RNF180: variants seen among roughly 807,000 people sequenced by gnomAD.
RNF180 encodes ring finger protein 180, also known as E3 ubiquitin-protein ligase RNF180.
In RNF180, 38 loss-of-function variants were observed where a neutral mutation model predicts 59.2. The ratio of observed to expected loss-of-function variants is 0.64; its 90% confidence interval spans 0.50 to 0.84. The LOEUF (loss-of-function observed/expected upper bound fraction) is 0.84. Ranked by LOEUF, RNF180 falls within the 40% of genes least tolerant of loss-of-function variation. The probability of loss-of-function intolerance (pLI) is 0.00; values close to 1 mark genes in which losing one functional copy is unlikely to be tolerated. For missense variants in RNF180, 705 were observed against 700.9 expected (o/e 1.01, Z -0.07); for synonymous variants, 262 against 240.3 (o/e 1.09, Z -0.84).
At chr5:64,305,577 A>C (rs1743400609) in intron 5 of RNF180, among the ~76,000 whole-genome samples, 1 of 151,076 alleles carries the variant, frequency 6.6e-6, no homozygotes, top group South Asian at 2.1e-4. Context: ...TCTATTTTTT[A>C]TTTATATCTT....
At chr5:64,273,175 T>C (rs1372159347) in intron 5 of RNF180, among the ~76,000 whole-genome samples, 1 of 151,870 alleles carries the variant, frequency 6.6e-6, no homozygotes, top group East Asian at 1.9e-4. Context: ...CCATGACACT[T>C]TACAGATGCC....
At chr5:64,192,914 TATATATATATATATATATATATATAA>T (rs1406372349) in intron 1 of RNF180, among the ~76,000 whole-genome samples, 1 of 84,640 alleles carries the variant, frequency 1.2e-5, no homozygotes, top group African/African-American at 6.6e-5. Flanking sequence ...TATATATATA[TATATATATATATATATATATATATAA>T]AATGAAACAT....
intron 5 of RNF180, among the ~76,000 whole-genome samples, chr5:64,234,748 C>T (rs371786694): frequency 2.1e-4 from 31 of 150,636 alleles, no homozygotes; most frequent in Admixed American, 9.9e-4. Context: ...TACAGGCGCC[C>T]GCCACCACGC....
At chr5:64,276,593 G>A (rs1230236044) in intron 5 of RNF180, among the ~76,000 whole-genome samples, 1 of 151,904 alleles carries the variant, frequency 6.6e-6, no homozygotes, top group Non-Finnish European at 1.5e-5. Flanking sequence ...GCTGAAAAAT[G>A]AATTTTGTTA....
At chr5:64,200,758 C>T (rs1436878915) in intron 1 of RNF180, 50 bp from the exon 2 acceptor site, 13 of 1,530,348 alleles carry the variant, frequency 8.5e-6, no homozygotes, top group Non-Finnish European at 1.2e-5. Flanking sequence ...TTAGAAAGTC[C>T]AGTTTATCTG....
At chr5:64,275,968 A>G (rs1392991576) in intron 5 of RNF180, among the ~76,000 whole-genome samples, 1 of 152,018 alleles carries the variant, frequency 6.6e-6, no homozygotes, top group African/African-American at 2.4e-5. Context: ...TCCAAACCTT[A>G]TGGAATGTTC....
chr5:64,332,553 A>G (rs1430585923), intron 7 of RNF180, among the ~76,000 whole-genome samples: 3 of 152,230 alleles, frequency 2.0e-5, no homozygotes, highest in East Asian at 3.8e-4. Context: ...ATATAGTAGT[A>G]AAGATTAAAT....
At chr5:64,266,860 A>G (rs942426949) in intron 5 of RNF180, among the ~76,000 whole-genome samples, 3 of 152,130 alleles carry the variant, frequency 2.0e-5, no homozygotes, top group African/African-American at 7.2e-5. Flanking sequence ...TTCAAAAACT[A>G]CTGAAAGCCA....
intron 7 of RNF180, among the ~76,000 whole-genome samples, chr5:64,338,597 T>C (rs1048049782): frequency 6.7e-6 from 1 of 149,584 alleles, no homozygotes; most frequent in African/African-American, 2.5e-5. Context: ...ATCGCGCCAC[T>C]GCACTCCAGC....
chr5:64,330,067 T>C (rs1159562242), intron 6 of RNF180, among the ~76,000 whole-genome samples: 2 of 152,218 alleles, frequency 1.3e-5, no homozygotes, highest in South Asian at 2.1e-4. Context: ...ATGTTCTATG[T>C]GTAGGCATGT....
intron 6 of RNF180, among the ~76,000 whole-genome samples, chr5:64,328,739 T>C (rs1475133264): frequency 6.6e-6 from 1 of 152,158 alleles, no homozygotes; most frequent in Non-Finnish European, 1.5e-5. Flanking sequence ...ATTTCTTAGG[T>C]AAAAATCAAC....
At chr5:64,332,909 G>A (rs774564015) in intron 7 of RNF180, among the ~76,000 whole-genome samples, 13 of 152,188 alleles carry the variant, frequency 8.5e-5, no homozygotes, top group Admixed American at 3.3e-4. Flanking sequence ...GGTCTTCTGC[G>A]TAAGACCAAC....
At chr5:64,279,457 T>C (rs67045704) in intron 5 of RNF180, among the ~76,000 whole-genome samples, 43,559 of 151,920 alleles carry the variant, frequency 0.29, 6,470 homozygotes, top group African/African-American at 0.35. Flanking sequence ...TTGTTTGTTT[T>C]TTGTTTTTTG....
chr5:64,313,232 G>T (rs1323590083), intron 5 of RNF180, among the ~76,000 whole-genome samples: 2 of 152,134 alleles, frequency 1.3e-5, no homozygotes, highest in East Asian at 1.9e-4. Flanking sequence ...ATGAGGTTTT[G>T]TTGTATAGAT....
intron 5 of RNF180, among the ~76,000 whole-genome samples, chr5:64,257,831 C>T (rs1405687257): frequency 2.0e-5 from 3 of 152,088 alleles, no homozygotes; most frequent in African/African-American, 4.8e-5. Flanking sequence ...GAGAGATCAA[C>T]GAGACAGAAA....
chr5:64,348,847 C>T (rs1032133637), intron 7 of RNF180, among the ~76,000 whole-genome samples: 1 of 151,968 alleles, frequency 6.6e-6, no homozygotes, highest in African/African-American at 2.4e-5. Flanking sequence ...TATTATTCAG[C>T]ATGTCAAGGA....
intron 5 of RNF180, among the ~76,000 whole-genome samples, chr5:64,271,422 C>T (rs946765972): frequency 1.3e-5 from 2 of 151,974 alleles, no homozygotes; most frequent in African/African-American, 2.4e-5. Flanking sequence ...AACAACACTG[C>T]ATTCAATAAT....
At chr5:64,316,345 C>T (rs1460772261) in intron 5 of RNF180, among the ~76,000 whole-genome samples, 2 of 152,130 alleles carry the variant, frequency 1.3e-5, no homozygotes, top group African/African-American at 4.8e-5. Context: ...TACAAATACC[C>T]TATCATTTTA....
chr5:64,246,181 G>A (rs1356224651), intron 5 of RNF180, among the ~76,000 whole-genome samples: 1 of 151,962 alleles, frequency 6.6e-6, no homozygotes. Context: ...ATCTAAAATC[G>A]ACACCCTAAC....
Sources: gnomAD v4.1 joint callset for allele counts (sites outside exome capture counted in the v4.1 genomes callset) on GRCh38, gnomAD v4.1.1 for gene constraint, MANE v1.5 for transcripts, NCBI Gene and HGNC (gene_info 2026-07-23, HGNC 2026-07-21) for gene names.